Variants in TMEM266 observed in about 807,000 individuals in gnomAD.
TMEM266 encodes the protein transmembrane protein 266.
TMEM266 carries 33 observed loss-of-function variants against 50.5 expected under a neutral mutation model. The observed-to-expected ratio is 0.65, with a 90% CI of 0.50 to 0.87. The LOEUF (loss-of-function observed/expected upper bound fraction) is 0.87, where lower values mean the gene tolerates loss of function less well. Among genes scored for constraint, TMEM266 ranks in the 40% least tolerant of loss-of-function variants. TMEM266 has a pLI of 0.00. For synonymous variants in TMEM266, 310 were observed against 292.3 expected (o/e 1.06, Z -0.62); for missense variants, 655 against 695.1 (o/e 0.94, Z 0.65).
chr15:76,182,259 T>C (rs1220909118), intron 8 of TMEM266, among the ~76,000 whole-genome samples: 1 of 151,864 alleles, frequency 6.6e-6, no homozygotes, highest in Non-Finnish European at 1.5e-5. Context: ...ATTGGGGAAA[T>C]TGGAGGTAAC....
intron 1 of TMEM266, among the ~76,000 whole-genome samples, chr15:76,093,698 C>T (rs28763622): frequency 0.17 from 25,432 of 151,650 alleles, 2,708 homozygotes; most frequent in Non-Finnish European, 0.24. Context: ...CACTGTCTTC[C>T]ACAATGGTTG....
intron 9 of TMEM266, among the ~76,000 whole-genome samples, chr15:76,200,130 T>C (rs1382440347): frequency 6.6e-6 from 1 of 152,166 alleles, no homozygotes; most frequent in Non-Finnish European, 1.5e-5. Context: ...GTGGGCTCAC[T>C]GTGACTCCAC....
In TMEM266 at chr15:76,193,239, C is replaced by CTT. The variant is rs11457977; in HGVS notation, c.958+1090_958+1091dup. Among the ~76,000 whole-genome samples, 363 of 143,436 alleles carry CTT rather than the reference C, an allele frequency of 2.5e-3. 1 individual carries two copies. Among genetic ancestry groups the CTT allele is most frequent in the Middle Eastern group, 7.0e-3 (2 of 284 alleles). 94.1% of individuals were successfully genotyped at this position (143,436 alleles called of 152,430 possible). On this transcript the variant is annotated intron_variant, in intron 9 of 10. Coordinates refer to ENST00000388942, the MANE Select transcript of TMEM266 (RefSeq NM_152335.3). Reference sequence around the variant, plus strand: ...ACAGCTTTTGGGAAACGAATGGTTGCTTTTTTTTTGGAGACAGGGTCTCAC... The same window carrying CTT: ...ACAGCTTTTGGGAAACGAATGGTTGCTTTTTTTTTTTGGAGACAGGGTCTCAC...
At chr15:76,152,819 A>G (rs1352951012) in intron 3 of TMEM266, among the ~76,000 whole-genome samples, 1 of 152,154 alleles carries the variant, frequency 6.6e-6, no homozygotes, top group Non-Finnish European at 1.5e-5. Context: ...CACCTGTTGT[A>G]TTGATTGCCT....
At chr15:76,112,728 C>T (rs1009764465) in intron 1 of TMEM266, 3 of 152,188 alleles carry the variant, frequency 2.0e-5, no homozygotes, top group African/African-American at 7.2e-5. Flanking sequence ...TTTGAAAAGC[C>T]ACTGAACTAA....
chr15:76,065,671 G>T (rs564538158), intron 1 of TMEM266, among the ~76,000 whole-genome samples: 45 of 152,106 alleles, frequency 3.0e-4, no homozygotes, highest in Admixed American at 1.3e-4. Flanking sequence ...GAGTAGCTAC[G>T]GCAGAGGATT....
intron 3 of TMEM266, among the ~76,000 whole-genome samples, chr15:76,145,738 C>T (rs964406621): frequency 6.6e-6 from 1 of 152,234 alleles, no homozygotes; most frequent in Non-Finnish European, 1.5e-5. Flanking sequence ...CGTCTCTAGA[C>T]ATTGTTTGGT....
intron 1 of TMEM266, among the ~76,000 whole-genome samples, chr15:76,098,835 T>G (rs1194632851): frequency 6.6e-6 from 1 of 152,200 alleles, no homozygotes; most frequent in African/African-American, 2.4e-5. Context: ...TGCAGTGGAC[T>G]CTGCCCAGTT....
intron 1 of TMEM266, among the ~76,000 whole-genome samples, chr15:76,064,969 G>A (rs1486742043): frequency 6.6e-6 from 1 of 152,108 alleles, no homozygotes; most frequent in Middle Eastern, 3.2e-3. Context: ...AATGCATAAG[G>A]CCAATTAACC....
chr15:76,173,247 G>A (rs1406571317), intron 7 of TMEM266, among the ~76,000 whole-genome samples: 1 of 152,190 alleles, frequency 6.6e-6, no homozygotes, highest in Non-Finnish European at 1.5e-5. Context: ...GAAACATCTG[G>A]AGGTGCAGAG....
At chr15:76,177,236 T>C (rs1421030878) in intron 8 of TMEM266, among the ~76,000 whole-genome samples, 1 of 152,236 alleles carries the variant, frequency 6.6e-6, no homozygotes, top group East Asian at 1.9e-4. Flanking sequence ...AGGCAAGCCT[T>C]AGTCCAACTC....
At chr15:76,163,420 C>T (rs1169129697) in intron 5 of TMEM266, among the ~76,000 whole-genome samples, 1 of 152,054 alleles carries the variant, frequency 6.6e-6, no homozygotes, top group Non-Finnish European at 1.5e-5. Context: ...GTGCAGGGGT[C>T]CCTGCACAGG....
chr15:76,122,030 T>C (rs2037354647), intron 1 of TMEM266, among the ~76,000 whole-genome samples: 1 of 152,224 alleles, frequency 6.6e-6, no homozygotes, highest in Admixed American at 6.5e-5. Context: ...AAAAGCCCTT[T>C]ATTTAGATCA....
chr15:76,156,947 G>C (rs1209676546), intron 4 of TMEM266, among the ~76,000 whole-genome samples, 189 bp downstream of exon 4: 1 of 152,096 alleles, frequency 6.6e-6, no homozygotes, highest in Non-Finnish European at 1.5e-5. Flanking sequence ...TTCTCTCTCT[G>C]TCACCCCCAG....
chr15:76,118,739 T>C (rs1431303739), intron 1 of TMEM266, among the ~76,000 whole-genome samples: 4 of 152,230 alleles, frequency 2.6e-5, no homozygotes. Context: ...CTCCAGTTTC[T>C]ACCCTTTTGG....
At position 76,202,169 on chromosome 15, in the gene TMEM266, T is replaced by C. The variant is rs758846997; in HGVS notation, c.959-33T>C. On this transcript the variant is annotated intron_variant, in intron 9 of 10. Transcript: ENST00000388942. The stretch of plus-strand genomic sequence containing the variant: ...TATAAGGGGTAGAGAATGAACTTGA[T>C]GCACTCACCCTTCTCTGTCCCCACC... The C allele has an allele frequency of 1.9e-5, 30 of 1,577,654 alleles. No individual in the cohort carries two copies. In the East Asian group the frequency reaches 6.7e-4, roughly 35 times the overall value.
At chr15:76,146,039 T>C (rs1433689322) in intron 3 of TMEM266, among the ~76,000 whole-genome samples, 1 of 152,254 alleles carries the variant, frequency 6.6e-6, no homozygotes. Context: ...GCAAGAATCA[T>C]GGTGCAGAAT....
At chr15:76,116,007 C>T (rs1444973011) in intron 1 of TMEM266, among the ~76,000 whole-genome samples, 1 of 152,144 alleles carries the variant, frequency 6.6e-6, no homozygotes, top group Non-Finnish European at 1.5e-5. Context: ...TCCCCTGCCC[C>T]GCCCCCCACA....
At chr15:76,077,605 A>G (rs896643539) in intron 1 of TMEM266, among the ~76,000 whole-genome samples, 3 of 152,104 alleles carry the variant, frequency 2.0e-5, no homozygotes, top group Non-Finnish European at 2.9e-5. Flanking sequence ...AAGAGTCCTT[A>G]TAGGAGAGAG....
Sources: gnomAD v4.1 joint callset for allele counts (sites outside exome capture counted in the v4.1 genomes callset) on GRCh38, gnomAD v4.1.1 for gene constraint, MANE v1.5 for transcripts, NCBI Gene and HGNC (gene_info 2026-07-23, HGNC 2026-07-21) for gene names.